Variants in KLHL1 observed in about 807,000 individuals in gnomAD.
KLHL1 encodes the protein kelch-like protein 1.
KLHL1 carries 47 observed loss-of-function variants against 77.7 expected under a neutral mutation model. The ratio of observed to expected loss-of-function variants is 0.60; its 90% CI spans 0.48 to 0.77. The LOEUF is 0.77. Among genes scored for constraint, KLHL1 ranks in the 30% least tolerant of loss-of-function variants. The pLI is 0.00. For missense variants in KLHL1, 925 were observed against 910.8 expected, an observed-to-expected ratio of 1.02 and a Z score of -0.20; for synonymous variants, 360 against 325.2, an observed-to-expected ratio of 1.11 and a Z score of -1.15.
chr13:70,107,711 A>C lies in KLHL1; in HGVS notation c.-12T>G. 1.3e-6 allele frequency: 2 copies of C among 1,509,670 alleles called. No homozygotes were observed. Among genetic ancestry groups the C allele is most frequent in the Non-Finnish European group, 1.8e-6 (2 of 1,134,318 alleles). 93.5% of individuals were successfully genotyped at this position (1,509,670 alleles called of 1,614,324 possible). On this transcript the variant is annotated 5_prime_UTR_variant, in exon 1 of 11. Transcript: ENST00000377844. ...CCAGAGCCTGACATGCTTTACGCAC[A>C]GAAGGCAAAAGGCTGGCAGCTCACG...
chr13:69,918,543 G>A (rs1882522124), intron 4 of KLHL1, among the ~76,000 whole-genome samples: 1 of 151,020 alleles, frequency 6.6e-6, no homozygotes, highest in Non-Finnish European at 1.5e-5. Context: ...TTGCTTGCCA[G>A]CACTTCCTAA....
chr13:69,840,684 TTATA>T (rs199637580), intron 5 of KLHL1, among the ~76,000 whole-genome samples: 78 of 145,116 alleles, frequency 5.4e-4, no homozygotes, highest in African/African-American at 1.7e-3. Context: ...AACATTAACT[TTATA>T]TATATATATA....
intron 1 of KLHL1, among the ~76,000 whole-genome samples, chr13:70,050,583 A>G (rs868038948): frequency 5.3e-5 from 8 of 152,042 alleles, no homozygotes; most frequent in Middle Eastern, 3.4e-3. Context: ...TTCATTCTAA[A>G]AATCAGATAA....
chr13:69,872,486 T>G (rs59861641), intron 5 of KLHL1, among the ~76,000 whole-genome samples: 3,098 of 152,192 alleles, frequency 0.02, 115 homozygotes, highest in African/African-American at 0.071. Context: ...AGGAGTTATA[T>G]CTTCATTACC....
At chr13:70,087,209 C>T (rs1043462448) in intron 1 of KLHL1, among the ~76,000 whole-genome samples, 1 of 152,014 alleles carries the variant, frequency 6.6e-6, no homozygotes, top group Non-Finnish European at 1.5e-5. Context: ...CAGGATGATG[C>T]CTAGGTTTCT....
At chr13:69,775,953 A>T (rs978790375) in intron 7 of KLHL1, among the ~76,000 whole-genome samples, 2 of 151,726 alleles carry the variant, frequency 1.3e-5, no homozygotes, top group African/African-American at 4.8e-5. Context: ...GAGATCGAGA[A>T]CATCCTGGCT....
intron 1 of KLHL1, among the ~76,000 whole-genome samples, chr13:70,044,442 A>T (rs557899871): frequency 5.9e-5 from 9 of 152,322 alleles, no homozygotes; most frequent in African/African-American, 2.2e-4. Flanking sequence ...GCATTCACTC[A>T]ATAAATACTA....
At chr13:70,009,065 G>A (rs888994699) in intron 1 of KLHL1, among the ~76,000 whole-genome samples, 1 of 151,932 alleles carries the variant, frequency 6.6e-6, no homozygotes, top group Non-Finnish European at 1.5e-5. Flanking sequence ...AATAATTGGG[G>A]GGTTTTGAAA....
In KLHL1 at chr13:69,844,360, T is replaced by C. The variant is rs192002712; in HGVS notation, c.1228-5198A>G. On this transcript the variant is annotated intron_variant, in intron 5 of 10. Coordinates refer to ENST00000377844, the MANE Select transcript of KLHL1 (RefSeq NM_020866.3). ...ATTTTCCTTTTTATGAATAAAATAT[T>C]GTGTAAAATGTAACTTTGGCCTACT... 1.4e-4 allele frequency among the ~76,000 whole-genome samples: 21 copies of C among 151,796 alleles called. No individual in the cohort carries two copies. In the East Asian group the frequency reaches 2.7e-3, roughly 20 times the overall value.
intron 1 of KLHL1, among the ~76,000 whole-genome samples, chr13:70,046,207 G>T (rs1886491148): frequency 6.6e-6 from 1 of 151,888 alleles, no homozygotes; most frequent in Non-Finnish European, 1.5e-5. Context: ...TGTCACTGGA[G>T]CATAAGTGTG....
At chr13:69,866,668 T>C (rs1880375630) in intron 5 of KLHL1, among the ~76,000 whole-genome samples, 1 of 152,126 alleles carries the variant, frequency 6.6e-6, no homozygotes, top group Middle Eastern at 3.2e-3. Flanking sequence ...AAAATGAGGA[T>C]GTGGAGTAAT....
chr13:69,734,898 G>A (rs1173574271), intron 8 of KLHL1, among the ~76,000 whole-genome samples: 1 of 152,018 alleles, frequency 6.6e-6, no homozygotes, highest in Non-Finnish European at 1.5e-5. Flanking sequence ...AATTATAGCA[G>A]ATAAATTGTA....
intron 6 of KLHL1, among the ~76,000 whole-genome samples, chr13:69,838,232 A>AGCT (rs1879106902): frequency 1.3e-5 from 2 of 151,642 alleles, no homozygotes; most frequent in Non-Finnish European, 3.0e-5. Context: ...GTCATATTCT[A>AGCT]TTGTTGCCAA....
chr13:69,745,967 G>A (rs980492632), intron 7 of KLHL1, among the ~76,000 whole-genome samples: 3 of 151,268 alleles, frequency 2.0e-5, no homozygotes, highest in Non-Finnish European at 3.0e-5. Flanking sequence ...ACAGTACATA[G>A]CTTCATTTTA....
chr13:69,999,696 A>G (rs1375598044), intron 1 of KLHL1, among the ~76,000 whole-genome samples: 3 of 152,072 alleles, frequency 2.0e-5, no homozygotes, highest in Admixed American at 1.3e-4. Context: ...AATGAAGACC[A>G]GTGTGGAACT....
At chr13:69,759,915 T>G (rs549300512) in intron 7 of KLHL1, among the ~76,000 whole-genome samples, 1 of 152,268 alleles carries the variant, frequency 6.6e-6, no homozygotes, top group African/African-American at 2.4e-5. Flanking sequence ...CTTAACAAAT[T>G]GTCATTAATT....
chr13:69,937,593 A>T (rs1386883388), intron 4 of KLHL1, among the ~76,000 whole-genome samples: 1 of 152,124 alleles, frequency 6.6e-6, no homozygotes, highest in Non-Finnish European at 1.5e-5. Context: ...TGCTATCTCT[A>T]TATTCATGCA....
intron 3 of KLHL1, among the ~76,000 whole-genome samples, chr13:69,945,475 C>T (rs1436156721): frequency 6.8e-6 from 1 of 146,998 alleles, no homozygotes; most frequent in African/African-American, 2.5e-5. Flanking sequence ...AAAAAAAAAG[C>T]CACTGTAAGA....
intron 7 of KLHL1, among the ~76,000 whole-genome samples, chr13:69,784,841 G>A (rs1218175225): frequency 4.8e-5 from 7 of 145,704 alleles, no homozygotes; most frequent in Non-Finnish European, 9.1e-5. Flanking sequence ...GGACCTAATA[G>A]ACATCTACAG....
Sources: allele counts gnomAD v4.1 joint callset (sites outside exome capture counted in the v4.1 genomes callset), GRCh38; gene constraint gnomAD v4.1.1; transcripts MANE v1.5; gene names NCBI Gene and HGNC (gene_info 2026-07-23, HGNC 2026-07-21).